CNOT6L: variants seen among roughly 807,000 people sequenced by gnomAD.
CNOT6L encodes CCR4-NOT transcription complex subunit 6 like.
A neutral mutation model predicts 64.0 loss-of-function variants in CNOT6L; 7 were observed. The observed-to-expected ratio is 0.11, with a 90% CI of 0.06 to 0.21. CNOT6L has a LOEUF of 0.21. CNOT6L is among the 10% of genes least tolerant of loss of function. The pLI, the probability that CNOT6L is intolerant of heterozygous loss-of-function variation, is 1.00. For synonymous variants in CNOT6L, 193 were observed against 243.4 expected (o/e 0.79, Z 1.93); for missense variants, 245 against 669.0 (o/e 0.37, Z 6.99).
intron 1 of CNOT6L, among the ~76,000 whole-genome samples, chr4:77,799,471 G>A (rs1441851916): frequency 1.3e-5 from 2 of 151,918 alleles, no homozygotes; most frequent in African/African-American, 2.4e-5. Flanking sequence ...TTCGGAGACC[G>A]AGGCAGGTGG....
chr4:77,776,085 T>G (rs1165684864), intron 2 of CNOT6L, among the ~76,000 whole-genome samples, 186 bp downstream of exon 2: 1 of 152,126 alleles, frequency 6.6e-6, no homozygotes, highest in African/African-American at 2.4e-5. Flanking sequence ...CTCAATGTAA[T>G]TAATCTCAAA....
intron 10 of CNOT6L, among the ~76,000 whole-genome samples, chr4:77,728,611 A>G (rs562641581): frequency 6.6e-6 from 1 of 152,110 alleles, no homozygotes; most frequent in Non-Finnish European, 1.5e-5. Flanking sequence ...TGGTAAAGAG[A>G]TCTATTACTA....
chr4:77,778,690 A>G (rs190913120), intron 1 of CNOT6L, among the ~76,000 whole-genome samples: 21 of 150,892 alleles, frequency 1.4e-4, no homozygotes, highest in African/African-American at 5.2e-4. Flanking sequence ...CAGGCATCCC[A>G]AAGTGCTGGG....
intron 8 of CNOT6L, among the ~76,000 whole-genome samples, chr4:77,732,263 T>C (rs1438698655): frequency 1.3e-5 from 2 of 152,132 alleles, no homozygotes; most frequent in African/African-American, 4.8e-5. Flanking sequence ...TTATTAAGCA[T>C]TGTAGAGTTG....
intron 4 of CNOT6L, among the ~76,000 whole-genome samples, chr4:77,770,392 C>A (rs866771251): frequency 1.3e-5 from 2 of 152,142 alleles, no homozygotes; most frequent in South Asian, 4.1e-4. Context: ...ATAAAACTGA[C>A]TTTGAAATTA....
chr4:77,783,655 T>A (rs901427557), intron 1 of CNOT6L, among the ~76,000 whole-genome samples: 1 of 152,126 alleles, frequency 6.6e-6, no homozygotes, highest in African/African-American at 2.4e-5. Context: ...AATGAGAAGT[T>A]TTAAATGGCC....
intron 4 of CNOT6L, among the ~76,000 whole-genome samples, chr4:77,757,349 G>T (rs931088043): frequency 6.6e-6 from 1 of 151,996 alleles, no homozygotes; most frequent in South Asian, 2.1e-4. Flanking sequence ...AAAAAAGAAG[G>T]GTCTTCGTAG....
chr4:77,794,175 A>AAT, intron 1 of CNOT6L, among the ~76,000 whole-genome samples: 1 of 150,528 alleles, frequency 6.6e-6, no homozygotes, highest in Non-Finnish European at 1.5e-5. Flanking sequence ...AAAAAAAAAA[A>AAT]AGATTTTAGA....
chr4:77,790,297 T>C (rs2110106944), intron 1 of CNOT6L, among the ~76,000 whole-genome samples: 1 of 152,346 alleles, frequency 6.6e-6, no homozygotes, highest in African/African-American at 2.4e-5. Context: ...ACAGTTTATT[T>C]ATCCACTCAC....
chr4:77,757,012 G>A (rs1207560427), intron 4 of CNOT6L, 61 bp from the exon 5 acceptor site: 1 of 735,744 alleles, frequency 1.4e-6, no homozygotes, highest in African/African-American at 1.8e-5. Context: ...AGACAGAAAT[G>A]TATACTATAA....
chr4:77,811,873 T>A (rs1004120486), intron 1 of CNOT6L, among the ~76,000 whole-genome samples: 5 of 59,422 alleles, frequency 8.4e-5, no homozygotes, highest in African/African-American at 2.8e-4. Context: ...AAGGAGCAGT[T>A]TAAAAAAAAA....
chr4:77,787,585 GATTC>G (rs1228799888), intron 1 of CNOT6L, among the ~76,000 whole-genome samples: 3 of 152,166 alleles, frequency 2.0e-5, no homozygotes, highest in Non-Finnish European at 4.4e-5. Context: ...GTAGTGAAGA[GATTC>G]ATTCAGTTAG....
intron 1 of CNOT6L, among the ~76,000 whole-genome samples, chr4:77,800,908 A>T (rs1461682964): frequency 6.6e-6 from 1 of 152,236 alleles, no homozygotes; most frequent in Non-Finnish European, 1.5e-5. Context: ...ACTCACACTG[A>T]TCCAAAACAA....
intron 5 of CNOT6L, among the ~76,000 whole-genome samples, chr4:77,751,852 T>A (rs1347168726): frequency 6.6e-6 from 1 of 152,156 alleles, no homozygotes; most frequent in African/African-American, 2.4e-5. Context: ...AACACTTCCA[T>A]TGCTAGCAGA....
At chr4:77,792,101 A>G (rs1291400873) in intron 1 of CNOT6L, among the ~76,000 whole-genome samples, 2 of 152,222 alleles carry the variant, frequency 1.3e-5, no homozygotes, top group Non-Finnish European at 2.9e-5. Context: ...AAGCAGTAAC[A>G]TCCTGTCTTG....
At chr4:77,800,854 T>A (rs1275181657) in intron 1 of CNOT6L, among the ~76,000 whole-genome samples, 1 of 152,162 alleles carries the variant, frequency 6.6e-6, no homozygotes, top group African/African-American at 2.4e-5. Flanking sequence ...GGTACCAACA[T>A]CTTAATTACA....
rs559976398 is a variant in CNOT6L at position 77,769,144 on chromosome 4, G to A, written c.400+3937C>T. ...ACATGGCTGAATCATAAAAACATAA[G>A]GCTGAATAAAAACCAAGTCATAAAA... On this transcript the variant is annotated intron_variant, in intron 4 of 11. Transcript: ENST00000504123. Among the ~76,000 whole-genome samples the A allele has an allele frequency of 1.9e-3, 293 of 152,156 alleles. 4 individuals are homozygous for A. Among genetic ancestry groups the A allele is most frequent in the Non-Finnish European group, 2.5e-3 (172 of 67,978 alleles).
intron 5 of CNOT6L, among the ~76,000 whole-genome samples, chr4:77,756,111 G>A (rs770173841): frequency 1.3e-5 from 2 of 152,094 alleles, no homozygotes; most frequent in Non-Finnish European, 2.9e-5. Flanking sequence ...AGCCTCCAGA[G>A]AAGCTTGGAT....
rs1365540270 is a variant in CNOT6L at position 77,717,482 on chromosome 4, C to A, written c.*2949G>T. On this transcript the variant is annotated 3_prime_UTR_variant, in exon 12 of 12. Coordinates refer to ENST00000504123, the MANE Select transcript of CNOT6L (RefSeq NM_144571.3). ...AACATGTATCACATTCTAAAAATGC[C>A]CAGATTTTCTTTTATCTTCTGATTA... The A allele has an allele frequency of 6.6e-6, 1 of 152,166 alleles. No homozygotes were observed. Among genetic ancestry groups the A allele is most frequent in the Non-Finnish European group, 1.5e-5 (1 of 67,952 alleles). The allele number at this position is 152,166 out of a possible 1,614,324, so 9.4% of individuals were successfully genotyped here.
Sources: gnomAD v4.1 joint callset for allele counts (sites outside exome capture counted in the v4.1 genomes callset) on GRCh38, gnomAD v4.1.1 for gene constraint, MANE v1.5 for transcripts, NCBI Gene and HGNC (gene_info 2026-07-23, HGNC 2026-07-21) for gene names.